The following CNDP1 variants were observed in gnomAD, a reference collection of about 807,000 sequenced individuals.
The protein encoded by CNDP1 is beta-Ala-His dipeptidase.
In CNDP1, 44 loss-of-function variants were observed where a neutral mutation model predicts 58.1. The observed-to-expected ratio is 0.76, with a 90% confidence interval of 0.60 to 0.97. The LOEUF is 0.97. Among genes scored for constraint, CNDP1 ranks in the 50% least tolerant of loss-of-function variants. The pLI is 0.00. For synonymous variants in CNDP1, 254 were observed against 252.6 expected (o/e 1.01, Z -0.05); for missense variants, 616 against 655.1 (o/e 0.94, Z 0.65).
chr18:74,540,562 T>A (rs1980594827), intron 1 of CNDP1, among the ~76,000 whole-genome samples: 1 of 152,116 alleles, frequency 6.6e-6, no homozygotes, highest in Non-Finnish European at 1.5e-5. Context: ...ACAGCTCTCT[T>A]GGGGAACCTC....
intron 1 of CNDP1, 140 bp from the exon 2 acceptor site, chr18:74,556,197 TC>T: frequency 1.2e-6 from 1 of 859,236 alleles, no homozygotes; most frequent in Non-Finnish European, 1.8e-6. Flanking sequence ...CATGTTTGGT[TC>T]TACCGCCTTG....
intron 1 of CNDP1, among the ~76,000 whole-genome samples, chr18:74,542,054 G>A (rs746127850): frequency 2.0e-5 from 3 of 152,208 alleles, no homozygotes; most frequent in Non-Finnish European, 4.4e-5. Context: ...CAGTGCCCTG[G>A]GATCCCAGAG....
chr18:74,562,164 G>A (rs570510264), intron 5 of CNDP1, 29 bp downstream of exon 5: 2 of 1,601,004 alleles, frequency 1.2e-6, no homozygotes, highest in East Asian at 2.2e-5. Context: ...TGGGAGAGAG[G>A]AGGAGGAGGA....
chr18:74,534,754 A>G (rs1980443874), intron 1 of CNDP1, 63 bp downstream of exon 1: 1 of 1,598,094 alleles, frequency 6.3e-7, no homozygotes, highest in Non-Finnish European at 8.6e-7. Context: ...TTGTCCCGGG[A>G]GCATGTGCGT....
intron 1 of CNDP1, 64 bp downstream of exon 1, chr18:74,534,755 G>T: frequency 1.9e-6 from 3 of 1,596,172 alleles, no homozygotes; most frequent in Admixed American, 1.7e-5. Context: ...TGTCCCGGGA[G>T]CATGTGCGTT....
chr18:74,565,918 C>T (rs1369662837), intron 5 of CNDP1, among the ~76,000 whole-genome samples: 1 of 152,218 alleles, frequency 6.6e-6, no homozygotes, highest in African/African-American at 2.4e-5. Flanking sequence ...CATGAGGGTC[C>T]CACCTCTGCA....
intron 1 of CNDP1, among the ~76,000 whole-genome samples, chr18:74,542,514 C>T (rs1980651075): frequency 6.6e-6 from 1 of 152,288 alleles, no homozygotes; most frequent in Middle Eastern, 3.4e-3. Context: ...CAGTCCCGAT[C>T]AAGACACAGT....
At chr18:74,580,296 G>T (rs760226825) in intron 10 of CNDP1, 25 bp downstream of exon 10, 2 of 1,612,920 alleles carry the variant, frequency 1.2e-6, no homozygotes, top group Non-Finnish European at 1.7e-6. Flanking sequence ...TCTTCTGACT[G>T]GCCAATCTGC....
chr18:74,567,417 G>C lies in CNDP1; in HGVS notation c.740G>C (p.Ser247Thr), dbSNP rs369159038. ...PAITYGTRGN[S>T]YFMVEVKCRD... ...ATCACTTACGGAACCCGGGGGAACA[G>C]CTACTTCATGGTGGAGGTATCCACA... is the stretch of plus-strand genomic sequence containing the variant. Residue 247 changes from serine (S) to threonine (T), a missense_variant, in exon 6 of 12, where the codon AGC becomes ACC. Ser to Thr is a moderately conservative substitution (Grantham distance 58). Coordinates refer to ENST00000358821, the MANE Select transcript of CNDP1 (RefSeq NM_032649.6). 2 of 1,613,808 alleles carry C rather than the reference G, an allele frequency of 1.2e-6. No individual in the cohort carries two copies. Among genetic ancestry groups the C allele is most frequent in the African/African-American group, 2.7e-5 (2 of 74,930 alleles).
At chr18:74,536,842 A>C (rs1009791865) in intron 1 of CNDP1, among the ~76,000 whole-genome samples, 1 of 152,198 alleles carries the variant, frequency 6.6e-6, no homozygotes, top group African/African-American at 2.4e-5. Flanking sequence ...GTTTGATGTG[A>C]GATGGTATCT....
At chr18:74,572,090 C>T (rs1470038208) in intron 7 of CNDP1, among the ~76,000 whole-genome samples, 1 of 152,136 alleles carries the variant, frequency 6.6e-6, no homozygotes, top group Non-Finnish European at 1.5e-5. Context: ...TATGTCAGCA[C>T]CACTTGGCTT....
intron 1 of CNDP1, among the ~76,000 whole-genome samples, chr18:74,539,425 C>T (rs924169379): frequency 3.9e-5 from 6 of 152,170 alleles, no homozygotes; most frequent in East Asian, 1.9e-4. Flanking sequence ...TCCCAGCTCC[C>T]GGAGGCTTCC....
intron 6 of CNDP1, among the ~76,000 whole-genome samples, chr18:74,569,576 T>G (rs527338681): frequency 6.6e-6 from 1 of 152,156 alleles, no homozygotes; most frequent in Non-Finnish European, 1.5e-5. Context: ...GTTGTATTAA[T>G]AGCATCTCTG....
chr18:74,577,926 G>T, intron 8 of CNDP1: 1 of 386,868 alleles, frequency 2.6e-6, no homozygotes, highest in Non-Finnish European at 4.6e-6. Flanking sequence ...GCAGATCTTG[G>T]GCAAAGAGGG....
chr18:74,584,703 A>T lies in CNDP1; in HGVS notation c.*141A>T, dbSNP rs1568302513. 1 of 660,646 alleles carries T rather than the reference A, an allele frequency of 1.5e-6. No homozygotes were observed. Among genetic ancestry groups the T allele is most frequent in the East Asian group, 2.7e-5 (1 of 36,966 alleles). 40.9% of individuals were successfully genotyped at this position (660,646 alleles called of 1,614,324 possible). ...CCTTCCATTTAAAATGTCTTGGGAT[A>T]TCTGGATCAGTAATAAAATATTTCA... On this transcript the variant is annotated 3_prime_UTR_variant, in exon 12 of 12. Transcript: ENST00000358821.
At chr18:74,581,509 T>C (rs1190214408) in intron 10 of CNDP1, among the ~76,000 whole-genome samples, 1 of 152,072 alleles carries the variant, frequency 6.6e-6, no homozygotes, top group African/African-American at 2.4e-5. Context: ...CTGTACACAA[T>C]TGCAAAACAC....
In CNDP1 at chr18:74,556,402, C is replaced by T. The variant is rs559481897; in HGVS notation, c.89C>T (p.Pro30Leu). 8.1e-6 allele frequency: 13 copies of T among 1,614,072 alleles called. No homozygotes were observed. Among genetic ancestry groups the T allele is most frequent in the South Asian group, 2.2e-5 (2 of 91,078 alleles). ...LERGMFSSPS[P>L]PPALLEKVFQ... is the part of the protein sequence containing the mutation. Reference sequence around the variant, plus strand: ...CGCGGCATGTTCTCCTCACCCTCCCCGCCCCCGGCGCTGTTAGAGAAAGTC... The same window carrying T: ...CGCGGCATGTTCTCCTCACCCTCCCTGCCCCCGGCGCTGTTAGAGAAAGTC... Residue 30 changes from proline (P) to leucine (L), a missense_variant, in exon 2 of 12, where the codon CCG becomes CTG. By Grantham distance (98) the Pro-to-Leu change is moderately conservative (BLOSUM62 -3). Transcript: ENST00000358821.
Position 74,565,011 on chromosome 18 carries a change from G to A in CNDP1, c.556-2222G>A, listed in dbSNP as rs57547200. On this transcript the variant is annotated intron_variant, in intron 5 of 11. Transcript: ENST00000358821. ...TTTAATTGGACTTACAGTTCCATAT[G>A]GCTTAGGAGGCCTCAGAATCATGGC... Among the ~76,000 whole-genome samples the A allele has an allele frequency of 5.5e-3, 838 of 152,308 alleles. 9 individuals carry two copies. Among genetic ancestry groups the A allele is most frequent in the African/African-American group, 0.019 (772 of 41,572 alleles).
At chr18:74,552,495 C>G (rs1162702782) in intron 1 of CNDP1, among the ~76,000 whole-genome samples, 1 of 152,190 alleles carries the variant, frequency 6.6e-6, no homozygotes, top group Non-Finnish European at 1.5e-5. Flanking sequence ...TAGACTGTTA[C>G]GTAAATGGAA....
Sources: gnomAD v4.1 joint callset for allele counts (sites outside exome capture counted in the v4.1 genomes callset) on GRCh38, gnomAD v4.1.1 for gene constraint, MANE v1.5 for transcripts, NCBI Gene and HGNC (gene_info 2026-07-23, HGNC 2026-07-21) for gene names.